Variants in SHC2 observed in about 807,000 individuals in gnomAD.
SHC2 encodes the protein SHC-transforming protein 2.
Under a neutral mutation model 60.6 loss-of-function variants are expected in SHC2, and 62 were observed. That is an observed-to-expected ratio of 1.02 (90% CI 0.83 to 1.26). The LOEUF (loss-of-function observed/expected upper bound fraction) is 1.26. Ranked by LOEUF, SHC2 falls within the 50% of genes most tolerant of loss-of-function variation. The pLI, the probability that SHC2 is intolerant of heterozygous loss-of-function variation, is 0.00. For synonymous variants in SHC2, 375 were observed against 372.4 expected (o/e 1.01, Z -0.08); for missense variants, 873 against 822.2 (o/e 1.06, Z -0.76).
chr19:442,463 G>GTGGGTGGA (rs1974897185), intron 1 of SHC2, among the ~76,000 whole-genome samples: 1 of 116,384 alleles, frequency 8.6e-6, no homozygotes, highest in Admixed American at 8.8e-5. Flanking sequence ...GGATGAATGG[G>GTGGGTGGA]TGGGTGGATG....
At position 436,315 on chromosome 19, in the gene SHC2, C is replaced by T. The variant is rs759877050; in HGVS notation, c.827-24G>A. 9 of 1,583,400 alleles carry T rather than the reference C, an allele frequency of 5.7e-6. No individual in the cohort carries two copies. The Admixed American group carries it at 1.4e-4, about 25-fold the overall frequency. On this transcript the variant is annotated intron_variant, in intron 6 of 12. Transcript: ENST00000264554. Reference sequence around the variant, plus strand: ...GGCTGCGGGCACGTTGGTCATGCAGCCTCCGAGCCACACGGCCGTGCCCCC... The same window carrying T: ...GGCTGCGGGCACGTTGGTCATGCAGTCTCCGAGCCACACGGCCGTGCCCCC...
At position 448,970 on chromosome 19, in the gene SHC2, T is replaced by C. The variant is rs537704235; in HGVS notation, c.469-8038A>G. 4.2e-3 allele frequency among the ~76,000 whole-genome samples: 631 copies of C among 149,098 alleles called. 3 individuals are homozygous for C. The highest frequency in any genetic ancestry group is 0.013 in the African/African-American group (526 of 40,214). On this transcript the variant is annotated intron_variant, in intron 1 of 12. Transcript: ENST00000264554. ...GAGTTCAAGACCAGCCTGGGCAACA[T>C]GGTGAAACCCCGTCTCTACAAAAAA...
intron 1 of SHC2, among the ~76,000 whole-genome samples, chr19:442,498 GATGGA>G: frequency 8.8e-6 from 1 of 113,730 alleles, no homozygotes; most frequent in Non-Finnish European, 1.8e-5. Flanking sequence ...TGGATGGATG[GATGGA>G]CGGATGGATG....
Position 425,298 on chromosome 19 carries a change from C to G in SHC2, c.1175-67G>C. On this transcript the variant is annotated intron_variant, in intron 9 of 12. Coordinates refer to ENST00000264554, the MANE Select transcript of SHC2 (RefSeq NM_012435.3). This position sits in a 1 kb window ranked among gnomAD's most constrained non-coding sequence, Gnocchi z 4.1. ...GGCGAGGGGCTCGCAGGGAGCAAGG[C>G]GGGGTCCCACGAGGAGCTCCCCCGG... 3 of 1,244,194 alleles carry G rather than the reference C, an allele frequency of 2.4e-6. No homozygotes were observed. The highest frequency in any genetic ancestry group is 3.1e-6 in the Non-Finnish European group (3 of 978,680). 77.1% of individuals were successfully genotyped at this position (1,244,194 alleles called of 1,614,324 possible). A position where few individuals can be genotyped will look rare whatever the true frequency, so the allele number is the denominator to read the frequency against.
chr19:460,548 C>T lies in SHC2; in HGVS notation c.449G>A (p.Gly150Glu). 1 of 1,409,450 alleles carries T rather than the reference C, an allele frequency of 7.1e-7. No homozygotes were observed. 87.3% of individuals were successfully genotyped at this position (1,409,450 alleles called of 1,614,324 possible). The change falls in exon 1 of 13, where the codon GGG (glycine) becomes GAG (glutamate). Residue 150 changes from glycine (G) to glutamate (E), a missense_variant. Gly to Glu is a moderately conservative substitution (Grantham distance 98). Transcript: ENST00000264554. The part of the protein sequence containing the change: ...LHPDARVLGP[G>E]VSYVVRYMGC... ...ACTCACCCGCACGACGTAGGAGACC[C>T]CGGGCCCCAGGACCCTGGCGTCGGG...
chr19:427,307 G>T (rs910005390), intron 9 of SHC2, among the ~76,000 whole-genome samples: 4 of 152,246 alleles, frequency 2.6e-5, no homozygotes, highest in African/African-American at 9.6e-5. Context: ...CGCCGGTAAC[G>T]TGATTAAGGC....
rs1188835604 is a variant in SHC2 at position 438,227 on chromosome 19, C to T, written c.720+491G>A. 6.6e-6 allele frequency among the ~76,000 whole-genome samples: 1 copy of T among 152,212 alleles called. No homozygotes were observed. Among genetic ancestry groups the T allele is most frequent in the East Asian group, 1.9e-4 (1 of 5,194 alleles). ...CCTGACCTCAAGTGATCTGCCCACC[C>T]CTCAGCCTCCCAAAGTGCTGGGGTT... On this transcript the variant is annotated intron_variant, in intron 4 of 12. Coordinates refer to ENST00000264554, the MANE Select transcript of SHC2 (RefSeq NM_012435.3). This position sits in a 1 kb window ranked among gnomAD's most constrained non-coding sequence, Gnocchi z 5.0.
At position 425,459 on chromosome 19, in the gene SHC2, G is replaced by A. The variant is rs1167969862; in HGVS notation, c.1175-228C>T. Reference sequence around the variant, plus strand: ...GGGCTCCAACCAGGGACAAGAGTGGGGCAGCGTGCGGCTGGGGCTGTGGGC... The same window carrying A: ...GGGCTCCAACCAGGGACAAGAGTGGAGCAGCGTGCGGCTGGGGCTGTGGGC... On this transcript the variant is annotated intron_variant, in intron 9 of 12. Transcript: ENST00000264554. This position sits in a 1 kb window ranked among gnomAD's most constrained non-coding sequence, Gnocchi z 4.1. 6.6e-6 allele frequency among the ~76,000 whole-genome samples: 1 copy of A among 152,200 alleles called. No homozygotes were observed. The highest frequency in any genetic ancestry group is 2.4e-5 in the African/African-American group (1 of 41,444).
Position 425,076 on chromosome 19 carries a change from GC to G in SHC2, c.1309+20del, listed in dbSNP as rs1196853133. 11 of 1,363,486 alleles carry G rather than the reference GC, an allele frequency of 8.1e-6. No individual in the cohort carries two copies. The highest frequency in any genetic ancestry group is 4.3e-5 in the South Asian group (2 of 46,712). The allele number at this position is 1,363,486 out of a possible 1,614,324, so 84.5% of individuals were successfully genotyped here. On this transcript the variant is annotated intron_variant, in intron 10 of 12. Coordinates refer to ENST00000264554, the MANE Select transcript of SHC2 (RefSeq NM_012435.3). The surrounding 1 kb of genome is among the most constrained non-coding windows in gnomAD (Gnocchi z 4.1). ...AACACGGCCACACGCGATGACGGCC[GC>G]CCCCCAGGCTGCCACATACGCATGT...
intron 1 of SHC2, among the ~76,000 whole-genome samples, chr19:457,884 T>C (rs1409066732): frequency 1.3e-5 from 2 of 152,222 alleles, no homozygotes; most frequent in African/African-American, 4.8e-5. Context: ...GGCGGCCCGA[T>C]GCCACCAGGG....
At chr19:459,618 G>A (rs1975490266) in intron 1 of SHC2, among the ~76,000 whole-genome samples, 1 of 150,322 alleles carries the variant, frequency 6.7e-6, no homozygotes, top group African/African-American at 2.5e-5. Flanking sequence ...ACTGAACTCA[G>A]TGTAAGGGGA....
intron 5 of SHC2, 22 bp from the exon 6 acceptor site, chr19:436,453 C>T (rs1199087999): frequency 1.2e-6 from 2 of 1,602,224 alleles, no homozygotes; most frequent in Non-Finnish European, 1.7e-6. Flanking sequence ...GAGGGGCCAG[C>T]TGGACCTGCC....
Position 418,973 on chromosome 19 carries a change from G to C in SHC2, c.1704C>G (p.Ala568=). 6.3e-7 allele frequency: 1 copy of C among 1,585,918 alleles called. No homozygotes were observed. The highest frequency in any genetic ancestry group is 2.3e-5 in the East Asian group (1 of 43,320). The change falls in exon 12 of 13, where the codon GCC becomes GCG. Residue 568 remains alanine, a synonymous_variant. Transcript: ENST00000264554. ...CGCCACGCAGGTGCAGCTCACTCTC[G>C]GCGGCCACGATGGGCTGCCCGTTCT... is the stretch of plus-strand genomic sequence containing the variant. ...HLQNGQPIVA[A]ESELHLRGVV...
intron 1 of SHC2, among the ~76,000 whole-genome samples, chr19:454,611 A>AC (rs2145754446): frequency 6.6e-6 from 1 of 152,226 alleles, no homozygotes; most frequent in South Asian, 2.1e-4. Flanking sequence ...ACAGGGTGAA[A>AC]CCCCATCTCT....
intron 8 of SHC2, among the ~76,000 whole-genome samples, chr19:433,528 G>C (rs865975239): frequency 2.7e-5 from 1 of 37,630 alleles, no homozygotes; most frequent in Non-Finnish European, 4.6e-5. Context: ...TCGTGAGTGA[G>C]ATCGTGAGTG....
intron 1 of SHC2, among the ~76,000 whole-genome samples, chr19:449,141 C>T (rs62102130): frequency 6.6e-6 from 1 of 152,106 alleles, no homozygotes; most frequent in Non-Finnish European, 1.5e-5. Flanking sequence ...GCACTCCAGC[C>T]TGGGCGACAG....
chr19:436,313 A>C, intron 6 of SHC2, 22 bp from the exon 7 acceptor site: 1 of 1,582,520 alleles, frequency 6.3e-7, no homozygotes, highest in African/African-American at 1.3e-5. Flanking sequence ...TTGGTCATGC[A>C]GCCTCCGAGC....
rs1336501231 is a variant in SHC2, at chr19:448,236, C to T, written c.469-7304G>A. 5.9e-5 allele frequency among the ~76,000 whole-genome samples: 9 copies of T among 152,350 alleles called. 2 individuals carry two copies. The South Asian group carries it at 1.2e-3, about 21-fold the overall frequency. The stretch of plus-strand genomic sequence containing the variant: ...AAGTACATTCATTTCCCAGGGCTGC[C>T]GTGAGCAAAGGCCACACCTGGGGGC... On this transcript the variant is annotated intron_variant, in intron 1 of 12. Coordinates refer to ENST00000264554, the MANE Select transcript of SHC2 (RefSeq NM_012435.3).
intron 8 of SHC2, among the ~76,000 whole-genome samples, chr19:431,654 G>A (rs1271387346): frequency 7.9e-5 from 2 of 25,342 alleles, no homozygotes; most frequent in Non-Finnish European, 5.9e-5. Flanking sequence ...GAGGAGGCGG[G>A]GCAGATAGAT....
Sources: gnomAD v4.1 joint callset for allele counts (sites outside exome capture counted in the v4.1 genomes callset) on GRCh38, gnomAD v4.1.1 for gene constraint, Gnocchi (gnomAD v3.1) non-coding constraint, MANE v1.5 for transcripts, NCBI Gene and HGNC (gene_info 2026-07-23, HGNC 2026-07-21) for gene names.